The following CNTNAP5 variants were observed in gnomAD, a reference collection of about 807,000 sequenced individuals.
The protein encoded by CNTNAP5 is contactin associated protein family member 5, also known as contactin-associated protein-like 5.
Under a neutral mutation model 150.2 loss-of-function variants are expected in CNTNAP5, and 72 were observed. That is an observed-to-expected ratio of 0.48 (90% CI 0.40 to 0.58). The LOEUF (loss-of-function observed/expected upper bound fraction) is 0.58, where lower values mean the gene tolerates loss of function less well. CNTNAP5 is among the 20% of genes least tolerant of loss of function. The probability of loss-of-function intolerance (pLI) is 0.00; values close to 1 mark genes in which losing one functional copy is unlikely to be tolerated. For missense variants in CNTNAP5, 1,636 were observed against 1,626.2 expected (o/e 1.01, Z -0.10); for synonymous variants, 672 against 619.8 (o/e 1.08, Z -1.25).
At chr2:124,074,442 AT>A (rs1343203104) in intron 1 of CNTNAP5, among the ~76,000 whole-genome samples, 1 of 152,166 alleles carries the variant, frequency 6.6e-6, no homozygotes, top group Non-Finnish European at 1.5e-5. Context: ...ATATCAAAGT[AT>A]CTCATGTACC....
At chr2:124,203,199 G>A (rs528909785) in intron 1 of CNTNAP5, among the ~76,000 whole-genome samples, 1 of 152,266 alleles carries the variant, frequency 6.6e-6, no homozygotes, top group African/African-American at 2.4e-5. Flanking sequence ...AAATCCAGCA[G>A]GGGAATCAAA....
At chr2:124,521,240 A>C (rs1164057300) in intron 8 of CNTNAP5, among the ~76,000 whole-genome samples, 1 of 152,186 alleles carries the variant, frequency 6.6e-6, no homozygotes, top group African/African-American at 2.4e-5. Flanking sequence ...TGTATTTTCA[A>C]AAGCTCCCCA....
At chr2:124,033,839 A>G (rs1470225035) in intron 1 of CNTNAP5, among the ~76,000 whole-genome samples, 2 of 152,192 alleles carry the variant, frequency 1.3e-5, no homozygotes, top group Admixed American at 6.5e-5. Flanking sequence ...CATATAGATA[A>G]GCTTTAAGAC....
chr2:124,072,988 A>G (rs991583525), intron 1 of CNTNAP5, among the ~76,000 whole-genome samples: 1 of 152,104 alleles, frequency 6.6e-6, no homozygotes, highest in Non-Finnish European at 1.5e-5. Flanking sequence ...CAAAACCAGC[A>G]TGGTACTGGA....
chr2:124,242,189 TC>T lies in CNTNAP5; in HGVS notation c.188-9del. The T allele has an allele frequency of 6.4e-7, 1 of 1,574,176 alleles. No homozygotes were observed. On this transcript the variant is annotated splice_polypyrimidine_tract_variant and intron_variant, in intron 2 of 23. Coordinates refer to ENST00000682447, the MANE Select transcript of CNTNAP5 (RefSeq NM_001367498.1). ...TACAACTCTCTCTCACTCTCTCTGA[TC>T]CTGTTCCAGGAACTGGCGGTTGGTC...
chr2:124,048,808 C>T (rs1030342901), intron 1 of CNTNAP5, among the ~76,000 whole-genome samples: 1 of 152,180 alleles, frequency 6.6e-6, no homozygotes, highest in African/African-American at 2.4e-5. Flanking sequence ...CCCAAGAATG[C>T]TAACCATTTT....
intron 1 of CNTNAP5, among the ~76,000 whole-genome samples, chr2:124,186,437 T>A (rs950795385): frequency 1.3e-5 from 2 of 152,228 alleles, no homozygotes; most frequent in South Asian, 4.1e-4. Context: ...GCCTATATAA[T>A]GTTATGTATA....
intron 4 of CNTNAP5, among the ~76,000 whole-genome samples, chr2:124,423,279 C>CG (rs1197134297): frequency 6.6e-6 from 1 of 152,128 alleles, no homozygotes; most frequent in Non-Finnish European, 1.5e-5. Flanking sequence ...TTACAAGCAT[C>CG]GTTACCTTCG....
At chr2:124,036,563 A>T (rs1250363971) in intron 1 of CNTNAP5, among the ~76,000 whole-genome samples, 2 of 152,052 alleles carry the variant, frequency 1.3e-5, no homozygotes, top group Non-Finnish European at 2.9e-5. Context: ...TTAAAAGATT[A>T]ATGCCTCTGA....
intron 13 of CNTNAP5, among the ~76,000 whole-genome samples, chr2:124,706,512 C>T (rs561815908): frequency 2.6e-5 from 4 of 151,912 alleles, no homozygotes; most frequent in Admixed American, 6.6e-5. Flanking sequence ...TTTGGGAGGC[C>T]GAGGCAGGTG....
intron 1 of CNTNAP5, among the ~76,000 whole-genome samples, chr2:124,056,353 G>T (rs1249454785): frequency 6.6e-6 from 1 of 152,122 alleles, no homozygotes. Flanking sequence ...GGCCAGGCAC[G>T]GTGGCTCACG....
At chr2:124,112,740 T>C (rs545648295) in intron 1 of CNTNAP5, among the ~76,000 whole-genome samples, 1 of 152,284 alleles carries the variant, frequency 6.6e-6, no homozygotes, top group South Asian at 2.1e-4. Flanking sequence ...CCATTTGTAC[T>C]TCTTGTTTTT....
At chr2:124,360,918 C>T (rs933126367) in intron 3 of CNTNAP5, among the ~76,000 whole-genome samples, 1 of 145,698 alleles carries the variant, frequency 6.9e-6, no homozygotes, top group African/African-American at 2.6e-5. Flanking sequence ...CAACTTGGTT[C>T]CCTTCTCCCC....
intron 3 of CNTNAP5, among the ~76,000 whole-genome samples, chr2:124,325,539 A>T (rs1689194571): frequency 6.6e-6 from 1 of 151,992 alleles, no homozygotes; most frequent in Non-Finnish European, 1.5e-5. Flanking sequence ...TTGTTTTTTT[A>T]TTTCATTTTT....
intron 3 of CNTNAP5, among the ~76,000 whole-genome samples, chr2:124,404,836 C>CT (rs1160467597): frequency 6.6e-6 from 1 of 152,142 alleles, no homozygotes; most frequent in Admixed American, 6.6e-5. Flanking sequence ...CTTAACTTCT[C>CT]TAAGCCTCAA....
At chr2:124,175,200 T>G (rs555793848) in intron 1 of CNTNAP5, among the ~76,000 whole-genome samples, 31 of 132,546 alleles carry the variant, frequency 2.3e-4, no homozygotes, top group African/African-American at 8.5e-4. Flanking sequence ...TGTATGGGCA[T>G]GTATACATCA....
intron 3 of CNTNAP5, among the ~76,000 whole-genome samples, chr2:124,369,164 C>T (rs752802479): frequency 6.6e-6 from 1 of 152,074 alleles, no homozygotes; most frequent in Non-Finnish European, 1.5e-5. Flanking sequence ...GGCAAGGGAA[C>T]AAGAGAGCTA....
intron 3 of CNTNAP5, among the ~76,000 whole-genome samples, chr2:124,372,560 G>T (rs1411089022): frequency 6.6e-6 from 1 of 152,066 alleles, no homozygotes; most frequent in Non-Finnish European, 1.5e-5. Context: ...GCAGTGATTT[G>T]TAGCCAACTT....
Position 124,474,737 on chromosome 2 carries a change from A to G in CNTNAP5, c.919-2A>G. 1 of 1,558,040 alleles carries G rather than the reference A, an allele frequency of 6.4e-7. No homozygotes were observed. Among genetic ancestry groups the G allele is most frequent in the African/African-American group, 1.4e-5 (1 of 72,066 alleles). On this transcript the variant is annotated splice_acceptor_variant, in intron 6 of 23. Transcript: ENST00000682447. LOFTEE classifies it high-confidence loss of function. ...AGTTTGTTTCTATTTTCACCCCAAA[A>G]GCTTAGTTTTGGAGGAATTCCAGTA...
Sources: gnomAD v4.1 joint callset for allele counts (sites outside exome capture counted in the v4.1 genomes callset) on GRCh38, gnomAD v4.1.1 for gene constraint, MANE v1.5 for transcripts, NCBI Gene and HGNC (gene_info 2026-07-23, HGNC 2026-07-21) for gene names.